Variants in SUPT20H observed in about 807,000 individuals in gnomAD.
SUPT20H encodes transcription factor SPT20 homolog.
SUPT20H carries 82 observed loss-of-function variants against 122.8 expected under a neutral mutation model. That is an observed-to-expected ratio of 0.67 (90% CI 0.56 to 0.80). SUPT20H has a LOEUF of 0.80. SUPT20H is among the 30% of genes least tolerant of loss of function. The probability of loss-of-function intolerance (pLI) is 0.00; values close to 1 mark genes in which losing one functional copy is unlikely to be tolerated. For synonymous variants in SUPT20H, 291 were observed against 313.0 expected, an observed-to-expected ratio of 0.93 and a Z score of 0.74; for missense variants, 831 against 921.6, an observed-to-expected ratio of 0.90 and a Z score of 1.27.
At chr13:37,024,473 T>A in intron 17 of SUPT20H, 31 bp from the exon 18 acceptor site, 1 of 1,409,488 alleles carries the variant, frequency 7.1e-7, no homozygotes. Context: ...GCTTACTTGT[T>A]AAAATTAATA....
intron 1 of SUPT20H, among the ~76,000 whole-genome samples, chr13:37,057,370 T>A (rs1024924654): frequency 6.6e-6 from 1 of 152,080 alleles, no homozygotes; most frequent in South Asian, 2.1e-4. Context: ...AAATTATTTT[T>A]AATCTATTCA....
At chr13:37,017,581 T>C (rs1481870090) in intron 22 of SUPT20H, among the ~76,000 whole-genome samples, 1 of 152,236 alleles carries the variant, frequency 6.6e-6, no homozygotes, top group Non-Finnish European at 1.5e-5. Context: ...AGTATGCTAA[T>C]ACTCTTAAAC....
Position 37,044,195 on chromosome 13 carries a change from A to G in SUPT20H, c.293-14T>C. The G allele has an allele frequency of 1.3e-6, 2 of 1,588,052 alleles. No homozygotes were observed. Among genetic ancestry groups the G allele is most frequent in the Non-Finnish European group, 1.7e-6 (2 of 1,165,180 alleles). Reference sequence around the variant, plus strand: ...TGGTCTCGGAATCTTAATTTAAAACATGAAGTTTGAAAATGATCATGCTCA... The same window carrying G: ...TGGTCTCGGAATCTTAATTTAAAACGTGAAGTTTGAAAATGATCATGCTCA... On this transcript the variant is annotated splice_polypyrimidine_tract_variant and intron_variant, in intron 6 of 25. Transcript: ENST00000350612.
intron 8 of SUPT20H, 40 bp from the exon 9 acceptor site, chr13:37,040,498 C>T (rs1446062541): frequency 6.3e-7 from 1 of 1,578,548 alleles, no homozygotes; most frequent in Admixed American, 1.9e-5. Flanking sequence ...TTAATCTATG[C>T]ACAAACATAT....
chr13:37,042,266 GCT>G (rs1490380446), intron 7 of SUPT20H, among the ~76,000 whole-genome samples: 2 of 152,254 alleles, frequency 1.3e-5, no homozygotes, highest in African/African-American at 2.4e-5. Flanking sequence ...GTAAAATAAA[GCT>G]CTGTTTTTGT....
intron 1 of SUPT20H, among the ~76,000 whole-genome samples, chr13:37,057,746 G>A (rs952125157): frequency 3.3e-5 from 5 of 152,096 alleles, no homozygotes; most frequent in Non-Finnish European, 5.9e-5. Context: ...GGCCAAGGCA[G>A]GTGGATTGCT....
intron 10 of SUPT20H, among the ~76,000 whole-genome samples, chr13:37,032,665 C>T (rs904450569): frequency 6.6e-5 from 10 of 152,152 alleles, no homozygotes; most frequent in Admixed American, 1.3e-4. Flanking sequence ...TCACTGGGAG[C>T]CCCCAGACTT....
intron 1 of SUPT20H, among the ~76,000 whole-genome samples, chr13:37,058,816 A>T (rs1289745557): frequency 6.6e-6 from 1 of 152,184 alleles, no homozygotes; most frequent in African/African-American, 2.4e-5. Context: ...CAAAGCAATT[A>T]AAAAAAGGAC....
At chr13:37,032,686 T>C (rs2063591842) in intron 10 of SUPT20H, among the ~76,000 whole-genome samples, 1 of 152,176 alleles carries the variant, frequency 6.6e-6, no homozygotes, top group South Asian at 2.1e-4. Flanking sequence ...TTGGGGGTTT[T>C]ATCTCCAGGA....
chr13:37,053,799 A>T (rs1216007007), intron 1 of SUPT20H, among the ~76,000 whole-genome samples: 1 of 152,196 alleles, frequency 6.6e-6, no homozygotes, highest in Non-Finnish European at 1.5e-5. Context: ...TTTGGTGGAA[A>T]GATTCATTCA....
rs35735192 is a variant in SUPT20H at position 37,057,524 on chromosome 13, T to TAAA, written c.-94+2032_-94+2034dup. Among the ~76,000 whole-genome samples, 488 of 108,410 alleles carry TAAA rather than the reference T, an allele frequency of 4.5e-3. 3 individuals carry two copies. Among genetic ancestry groups the TAAA allele is most frequent in the African/African-American group, 0.017 (463 of 27,430 alleles). 71.1% of individuals were successfully genotyped at this position (108,410 alleles called of 152,430 possible). On this transcript the variant is annotated intron_variant, in intron 1 of 25. Coordinates refer to ENST00000350612, the MANE Select transcript of SUPT20H (RefSeq NM_001014286.3). ...AAAGCTTTGTTTTTTGCCAAGCCAT[T>TAAA]AAAAAAAAAAAAAAAAAAAAAAGGA...
At chr13:37,043,903 C>G (rs2065948917) in intron 7 of SUPT20H, among the ~76,000 whole-genome samples, 175 bp downstream of exon 7, 1 of 151,592 alleles carries the variant, frequency 6.6e-6, no homozygotes, top group Non-Finnish European at 1.5e-5. Flanking sequence ...AAAGCCCAGC[C>G]TGATTTCATG....
chr13:37,054,421 T>C (rs1432561597), intron 1 of SUPT20H, among the ~76,000 whole-genome samples: 3 of 152,166 alleles, frequency 2.0e-5, no homozygotes, highest in Non-Finnish European at 4.4e-5. Flanking sequence ...TTATCCACCA[T>C]GATCAAGTGG....
intron 16 of SUPT20H, chr13:37,025,699 G>A: frequency 6.2e-6 from 2 of 322,202 alleles, no homozygotes; most frequent in Non-Finnish European, 1.1e-5. Context: ...GAAATTACAG[G>A]GATTACTTAA....
chr13:37,047,464 C>G (rs2066701312), intron 5 of SUPT20H, 71 bp downstream of exon 5: 1 of 1,354,078 alleles, frequency 7.4e-7, no homozygotes, highest in Admixed American at 3.7e-5. Flanking sequence ...AATAATACTC[C>G]AAATGTAACT....
At chr13:37,033,627 G>T (rs756540929) in intron 9 of SUPT20H, 39 bp from the exon 10 acceptor site, 9 of 1,595,114 alleles carry the variant, frequency 5.6e-6, no homozygotes, top group Non-Finnish European at 7.7e-6. Context: ...CCAGATTTAA[G>T]ATTTTCAAAT....
chr13:37,020,328 T>C (rs2061301275), intron 21 of SUPT20H, among the ~76,000 whole-genome samples: 1 of 152,158 alleles, frequency 6.6e-6, no homozygotes. Flanking sequence ...AGAAAATGGC[T>C]TAACCCCCTT....
chr13:37,053,663 A>G (rs1436522069), intron 1 of SUPT20H, among the ~76,000 whole-genome samples: 2 of 151,620 alleles, frequency 1.3e-5, no homozygotes, highest in Non-Finnish European at 2.9e-5. Context: ...TACATTCACC[A>G]CATGTATTCC....
chr13:37,048,510 C>A, intron 3 of SUPT20H, 54 bp downstream of exon 3: 1 of 1,495,522 alleles, frequency 6.7e-7, no homozygotes, highest in Non-Finnish European at 9.0e-7. Context: ...TAAAACTGAG[C>A]TTTTGTCAAT....
Sources: gnomAD v4.1 joint callset for allele counts (sites outside exome capture counted in the v4.1 genomes callset) on GRCh38, gnomAD v4.1.1 for gene constraint, MANE v1.5 for transcripts, NCBI Gene and HGNC (gene_info 2026-07-23, HGNC 2026-07-21) for gene names.